Variants in BANP observed in about 807,000 individuals in gnomAD.
BANP encodes protein BANP.
In BANP, 11 loss-of-function variants were observed where a neutral mutation model predicts 68.1. That is an observed-to-expected ratio of 0.16 (90% CI 0.10 to 0.27). The LOEUF (loss-of-function observed/expected upper bound fraction) is 0.27, where lower values mean the gene tolerates loss of function less well. Ranked by LOEUF, BANP falls within the 10% of genes least tolerant of loss-of-function variation. BANP has a pLI of 1.00. For missense variants in BANP, 504 were observed against 722.7 expected (o/e 0.70, Z 3.47); for synonymous variants, 329 against 303.2 (o/e 1.09, Z -0.88).
At chr16:87,975,858 G>A (rs1317156626) in intron 2 of BANP, among the ~76,000 whole-genome samples, 2 of 139,632 alleles carry the variant, frequency 1.4e-5, no homozygotes, top group Admixed American at 7.6e-5. Flanking sequence ...TGTGTGTGGC[G>A]TCATGGAACC....
intron 13 of BANP, among the ~76,000 whole-genome samples, chr16:88,074,216 C>T (rs540743299): frequency 1.0e-4 from 10 of 95,388 alleles, no homozygotes; most frequent in Non-Finnish European, 2.1e-4. Flanking sequence ...GAAGCCCCCA[C>T]CCCAGTCATG....
chr16:88,044,444 G>T (rs73248996), intron 11 of BANP, among the ~76,000 whole-genome samples: 1 of 152,222 alleles, frequency 6.6e-6, no homozygotes, highest in Non-Finnish European at 1.5e-5. Context: ...ATTACTGCGT[G>T]CTGATTGCAC....
At chr16:88,059,533 C>T (rs1179447558) in intron 11 of BANP, among the ~76,000 whole-genome samples, 1 of 152,106 alleles carries the variant, frequency 6.6e-6, no homozygotes, top group Non-Finnish European at 1.5e-5. Context: ...TTTTAAGGGA[C>T]ACGGTTCAGG....
At position 88,057,750 on chromosome 16, in the gene BANP, G is replaced by A. The variant is rs1164463281; in HGVS notation, c.1312-7517G>A. Among the ~76,000 whole-genome samples the A allele has an allele frequency of 1.1e-5, 1 of 93,254 alleles. No homozygotes were observed. The highest frequency in any genetic ancestry group is 2.5e-5 in the Non-Finnish European group (1 of 39,620). 61.2% of individuals were successfully genotyped at this position (93,254 alleles called of 152,430 possible). ...AGAGAGATGGCGGGGCCATCTGGGT[G>A]GGGCGGGGGGGGGGGTGCGTGCAGT... On this transcript the variant is annotated intron_variant, in intron 11 of 13. Transcript: ENST00000682872. This position sits in a 1 kb window ranked among gnomAD's most constrained non-coding sequence, Gnocchi z 4.6.
chr16:88,029,470 G>A (rs1401536145), intron 8 of BANP, among the ~76,000 whole-genome samples: 1 of 151,898 alleles, frequency 6.6e-6, no homozygotes, highest in Admixed American at 6.6e-5. Flanking sequence ...AATTAGCCGG[G>A]CGTGGTGGCT....
At chr16:88,014,350 G>A (rs2152628874) in intron 6 of BANP, among the ~76,000 whole-genome samples, 1 of 152,132 alleles carries the variant, frequency 6.6e-6, no homozygotes, top group East Asian at 1.9e-4. Context: ...CCCCGACACT[G>A]CCTTGAGGTG....
intron 9 of BANP, 37 bp from the exon 10 acceptor site, chr16:88,035,286 T>G (rs761809170): frequency 1.3e-6 from 2 of 1,553,318 alleles, no homozygotes; most frequent in Non-Finnish European, 1.8e-6. Context: ...GCTTTTGATT[T>G]TCTTCTGATG....
rs11641009 is a variant in BANP, at chr16:87,996,494, C to T, written c.363-7801C>T. The stretch of plus-strand genomic sequence containing the variant: ...CTGGTTCTGAGTGTTGCTGGGCCCT[C>T]GTCCTGGGCGCCGGCTGGGCTCTGG... On this transcript the variant is annotated intron_variant, in intron 4 of 13. Transcript: ENST00000682872. Among the ~76,000 whole-genome samples, 3 of 48,638 alleles carry T rather than the reference C, an allele frequency of 6.2e-5. 1 individual carries two copies. The highest frequency in any genetic ancestry group is 2.0e-4 in the African/African-American group (2 of 10,208). The allele number at this position is 48,638 out of a possible 152,430, so 31.9% of individuals were successfully genotyped here.
intron 6 of BANP, among the ~76,000 whole-genome samples, chr16:88,015,388 C>A (rs530926006): frequency 6.6e-6 from 1 of 152,240 alleles, no homozygotes; most frequent in Admixed American, 6.5e-5. Flanking sequence ...CCACGCTGGG[C>A]GTGGGCGCCT....
chr16:88,018,785 CG>C lies in BANP; in HGVS notation c.895+120del. The C allele has an allele frequency of 7.5e-7, 1 of 1,331,416 alleles. No individual in the cohort carries two copies. Among genetic ancestry groups the C allele is most frequent in the Non-Finnish European group, 1.0e-6 (1 of 989,714 alleles). The allele number at this position is 1,331,416 out of a possible 1,614,324, so 82.5% of individuals were successfully genotyped here. ...CGGCACGGGGCTGCGTTTCTCCAGG[CG>C]GTTTGAAATCTCAGCCCGAGGATCA... On this transcript the variant is annotated intron_variant, in intron 7 of 13. Transcript: ENST00000682872. This position sits in a 1 kb window ranked among gnomAD's most constrained non-coding sequence, Gnocchi z 7.7.
intron 8 of BANP, among the ~76,000 whole-genome samples, chr16:88,031,564 G>A (rs190311129): frequency 4.6e-5 from 7 of 151,126 alleles, no homozygotes; most frequent in South Asian, 4.2e-4. Flanking sequence ...CAGGAGAATC[G>A]CTTGAACTTG....
intron 10 of BANP, chr16:88,037,734 G>A (rs2079708885): frequency 1.8e-6 from 1 of 569,522 alleles, no homozygotes; most frequent in African/African-American, 1.9e-5. Context: ...GGTCAGGGTA[G>A]GGGAATGAGT....
chr16:88,061,468 A>T (rs2086770507), intron 11 of BANP, among the ~76,000 whole-genome samples: 1 of 152,132 alleles, frequency 6.6e-6, no homozygotes, highest in Non-Finnish European at 1.5e-5. Flanking sequence ...CTGACCATCC[A>T]CTAATGGGTG....
intron 2 of BANP, among the ~76,000 whole-genome samples, chr16:87,978,116 G>T (rs2062542925): frequency 6.6e-6 from 1 of 152,152 alleles, no homozygotes; most frequent in Non-Finnish European, 1.5e-5. Context: ...GATTATAGGC[G>T]TGAGCCACCG....
chr16:88,072,056 T>G lies in BANP; in HGVS notation c.1378-13T>G. 1 of 1,562,348 alleles carries G rather than the reference T, an allele frequency of 6.4e-7. No homozygotes were observed. Among genetic ancestry groups the G allele is most frequent in the South Asian group, 1.2e-5 (1 of 85,480 alleles). ...GCCACGCCGCTGACGGGCCCCCGTG[T>G]GTCTCCCTCCAGGTGCTGCAGGGTG... On this transcript the variant is annotated splice_polypyrimidine_tract_variant and intron_variant, in intron 12 of 13. Coordinates refer to ENST00000682872, the MANE Select transcript of BANP (RefSeq NM_001386991.1).
chr16:88,067,614 G>A (rs2089059174), intron 12 of BANP, among the ~76,000 whole-genome samples: 1 of 152,042 alleles, frequency 6.6e-6, no homozygotes, highest in South Asian at 2.1e-4. Flanking sequence ...CCAAATCTAA[G>A]GGGGTCAGCT....
At position 88,065,342 on chromosome 16, in the gene BANP, T is replaced by G. The variant is rs749254965; in HGVS notation, c.1377+10T>G. The G allele has an allele frequency of 1.3e-6, 1 of 769,088 alleles. No homozygotes were observed. The highest frequency in any genetic ancestry group is 2.4e-6 in the Non-Finnish European group (1 of 417,118). 47.6% of individuals were successfully genotyped at this position (769,088 alleles called of 1,614,324 possible). A position where few individuals can be genotyped will look rare whatever the true frequency, so the allele number is the denominator to read the frequency against. On this transcript the variant is annotated intron_variant, in intron 12 of 13. Transcript: ENST00000682872. ...AGCCAGCAGTGGCCAGGTGAGTCCT[T>G]TGTACATCCCATCTCTCCCACCCTC...
intron 7 of BANP, among the ~76,000 whole-genome samples, chr16:88,021,326 C>G (rs1449671175): frequency 2.0e-5 from 3 of 152,162 alleles, no homozygotes; most frequent in African/African-American, 7.2e-5. Context: ...GGAAGTCCCT[C>G]CGGGGTGGGG....
chr16:88,022,152 G>A (rs2076149351), intron 7 of BANP, among the ~76,000 whole-genome samples: 3 of 152,344 alleles, frequency 2.0e-5, no homozygotes, highest in African/African-American at 7.2e-5. Flanking sequence ...ATTTTCCTAA[G>A]GAATGTGCTC....
Sources: allele counts gnomAD v4.1 joint callset (sites outside exome capture counted in the v4.1 genomes callset), GRCh38; gene constraint gnomAD v4.1.1; non-coding constraint Gnocchi (gnomAD v3.1); transcripts MANE v1.5; gene names NCBI Gene and HGNC (gene_info 2026-07-23, HGNC 2026-07-21).